RAD18: variants seen among roughly 807,000 people sequenced by gnomAD.
The protein encoded by RAD18 is RAD18 E3 ubiquitin protein ligase.
RAD18 carries 47 observed loss-of-function variants against 60.4 expected under a neutral mutation model. The observed-to-expected ratio is 0.78, with a 90% confidence interval of 0.62 to 0.99. The LOEUF is 0.99. Ranked by LOEUF, RAD18 falls within the 50% of genes least tolerant of loss-of-function variation. The probability of loss-of-function intolerance (pLI) is 0.00; values close to 1 mark genes in which losing one functional copy is unlikely to be tolerated. For missense variants in RAD18, 640 were observed against 593.3 expected, an observed-to-expected ratio of 1.08 and a Z score of -0.82; for synonymous variants, 225 against 195.5, an observed-to-expected ratio of 1.15 and a Z score of -1.26.
chr3:8,881,417 G>A lies in RAD18; in HGVS notation c.1428C>T (p.Arg476=), dbSNP rs1205240983. 3 of 1,613,236 alleles carry A rather than the reference G, an allele frequency of 1.9e-6. No individual in the cohort carries two copies. Among genetic ancestry groups the A allele is most frequent in the Non-Finnish European group, 2.5e-6 (3 of 1,179,194 alleles). The change falls in exon 13 of 13, where the codon CGC becomes CGT. Residue 476 remains arginine, a synonymous_variant. Coordinates refer to ENST00000264926, the MANE Select transcript of RAD18 (RefSeq NM_020165.4). ...QDTEISPRQN[R]RTRAAESAEI... is the part of the protein sequence containing the mutation. ...CAGCACTTTCAGCGGCTCTTGTGCG[G>A]CGATTCTGTCTTGGACTTATTTCTG...
chr3:8,924,101 A>C (rs576593222), intron 7 of RAD18, among the ~76,000 whole-genome samples: 5,513 of 152,302 alleles, frequency 0.036, 349 homozygotes, highest in African/African-American at 0.12. Context: ...GCTCCAATTA[A>C]AAGACACAGA....
chr3:8,914,862 G>C (rs1940170031), intron 7 of RAD18, among the ~76,000 whole-genome samples: 1 of 152,178 alleles, frequency 6.6e-6, no homozygotes, highest in Non-Finnish European at 1.5e-5. Context: ...AACTAGGCCA[G>C]GCGCAGTGGC....
chr3:8,895,162 A>G (rs1450157095), intron 11 of RAD18, among the ~76,000 whole-genome samples: 2 of 152,132 alleles, frequency 1.3e-5, no homozygotes, highest in Non-Finnish European at 2.9e-5. Context: ...AGAATGAACC[A>G]TTTAGCTTTC....
At chr3:8,914,036 T>C (rs1940154973) in intron 7 of RAD18, among the ~76,000 whole-genome samples, 1 of 152,184 alleles carries the variant, frequency 6.6e-6, no homozygotes, top group Admixed American at 6.5e-5. Context: ...TGAAAATTAA[T>C]TTTTTAGTGT....
chr3:8,922,365 T>A (rs1176661898), intron 7 of RAD18, among the ~76,000 whole-genome samples: 1 of 152,158 alleles, frequency 6.6e-6, no homozygotes, highest in Non-Finnish European at 1.5e-5. Flanking sequence ...GAGATCAAAC[T>A]GCAAGGTGGC....
chr3:8,913,632 C>A lies in RAD18; in HGVS notation c.966+12G>T. 1 of 1,501,774 alleles carries A rather than the reference C, an allele frequency of 6.7e-7. No individual in the cohort carries two copies. Among genetic ancestry groups the A allele is most frequent in the Non-Finnish European group, 9.0e-7 (1 of 1,112,482 alleles). The allele number at this position is 1,501,774 out of a possible 1,614,324, so 93.0% of individuals were successfully genotyped here. ...ATTTCTATCCATATACTGAAATAGC[C>A]CATTAACATACACTTTCATTGAGTT... is the stretch of plus-strand genomic sequence containing the variant. On this transcript the variant is annotated intron_variant, in intron 8 of 12. Coordinates refer to ENST00000264926, the MANE Select transcript of RAD18 (RefSeq NM_020165.4).
chr3:8,950,108 G>A (rs1238033688), intron 2 of RAD18, among the ~76,000 whole-genome samples: 3 of 152,108 alleles, frequency 2.0e-5, no homozygotes, highest in Non-Finnish European at 4.4e-5. Flanking sequence ...TCGGCTCAAT[G>A]CAACCTCCGC....
intron 12 of RAD18, among the ~76,000 whole-genome samples, chr3:8,886,389 A>G (rs528648483): frequency 3.6e-4 from 55 of 152,278 alleles, no homozygotes; most frequent in African/African-American, 1.2e-3. Flanking sequence ...CCCTTGGCCA[A>G]TAGGGGAGTC....
At chr3:8,912,591 T>G (rs1484290939) in intron 8 of RAD18, 16 of 321,464 alleles carry the variant, frequency 5.0e-5, no homozygotes, top group Non-Finnish European at 8.4e-5. Flanking sequence ...CAGTAGAAAA[T>G]GCAACATGAT....
chr3:8,893,306 G>A (rs1274244261), intron 11 of RAD18, among the ~76,000 whole-genome samples: 2 of 152,236 alleles, frequency 1.3e-5, no homozygotes, highest in East Asian at 1.9e-4. Flanking sequence ...AATTTTTCTA[G>A]CATCTAGTAG....
At position 8,878,319 on chromosome 3, in the gene RAD18, C is replaced by T. The variant is rs1939400672; in HGVS notation, c.*3038G>A. 1 of 151,886 alleles carries T rather than the reference C, an allele frequency of 6.6e-6. No homozygotes were observed. The highest frequency in any genetic ancestry group is 6.6e-5 in the Admixed American group (1 of 15,246). 9.4% of individuals were successfully genotyped at this position (151,886 alleles called of 1,614,324 possible). On this transcript the variant is annotated 3_prime_UTR_variant, in exon 13 of 13. Transcript: ENST00000264926. Reference sequence around the variant, plus strand: ...TGTTAATGTAAATACTTGTTTACAGCCTCAGATAGTTGTTCTTAAGGATGT... The same window carrying T: ...TGTTAATGTAAATACTTGTTTACAGTCTCAGATAGTTGTTCTTAAGGATGT...
chr3:8,892,949 T>C (rs1052135622), intron 11 of RAD18, among the ~76,000 whole-genome samples: 2 of 152,230 alleles, frequency 1.3e-5, no homozygotes, highest in African/African-American at 4.8e-5. Flanking sequence ...AGGATAATGA[T>C]ACATGTATTC....
intron 11 of RAD18, among the ~76,000 whole-genome samples, chr3:8,891,732 A>C (rs1305956500): frequency 6.6e-6 from 1 of 152,220 alleles, no homozygotes; most frequent in Non-Finnish European, 1.5e-5. Context: ...AAATGGACTG[A>C]TACAAAATTT....
In RAD18 at chr3:8,948,859, G is replaced by A. The variant is rs565832310; in HGVS notation, c.134-289C>T. 2.9e-3 allele frequency among the ~76,000 whole-genome samples: 446 copies of A among 152,184 alleles called. 1 individual carries two copies. The highest frequency in any genetic ancestry group is 4.7e-3 in the Non-Finnish European group (319 of 67,986). ...CAAAACACAGGAAACATACACTTGG[G>A]CTGGGTACTGTATAAACCTGCCAGA... On this transcript the variant is annotated intron_variant, in intron 2 of 12. Transcript: ENST00000264926.
At chr3:8,887,938 C>T (rs181344207) in intron 12 of RAD18, among the ~76,000 whole-genome samples, 46 of 152,164 alleles carry the variant, frequency 3.0e-4, no homozygotes, top group Non-Finnish European at 6.0e-4. Flanking sequence ...CACAACTCCT[C>T]TATCTGGCCC....
rs1362767197 is a variant in RAD18 at position 8,941,450 on chromosome 3, T to G, written c.604+17A>C. The G allele has an allele frequency of 6.5e-7, 1 of 1,543,976 alleles. No individual in the cohort carries two copies. Among genetic ancestry groups the G allele is most frequent in the African/African-American group, 1.4e-5 (1 of 72,828 alleles). Reference sequence around the variant, plus strand: ...GAAAAGATGTCCATATTTCCACATATGAAAATAACTTCCTACCTTTAGTAA... The same window carrying G: ...GAAAAGATGTCCATATTTCCACATAGGAAAATAACTTCCTACCTTTAGTAA... On this transcript the variant is annotated intron_variant, in intron 5 of 12. Coordinates refer to ENST00000264926, the MANE Select transcript of RAD18 (RefSeq NM_020165.4).
intron 7 of RAD18, among the ~76,000 whole-genome samples, chr3:8,928,513 T>G (rs753926365): frequency 6.6e-6 from 1 of 152,148 alleles, no homozygotes; most frequent in Admixed American, 6.5e-5. Context: ...ATCAGATAGA[T>G]TTTTGAGGCA....
intron 7 of RAD18, among the ~76,000 whole-genome samples, chr3:8,922,763 T>C (rs944714966): frequency 1.3e-5 from 2 of 152,168 alleles, no homozygotes; most frequent in African/African-American, 4.8e-5. Flanking sequence ...TTCACCAATA[T>C]TTGCTGTTCT....
At chr3:8,922,501 C>A (rs1478035225) in intron 7 of RAD18, among the ~76,000 whole-genome samples, 1 of 152,204 alleles carries the variant, frequency 6.6e-6, no homozygotes, top group African/African-American at 2.4e-5. Flanking sequence ...CAGGGCATAG[C>A]CAAACAAAAG....
Sources: allele counts gnomAD v4.1 joint callset (sites outside exome capture counted in the v4.1 genomes callset), GRCh38; gene constraint gnomAD v4.1.1; transcripts MANE v1.5; gene names NCBI Gene and HGNC (gene_info 2026-07-23, HGNC 2026-07-21).